Variants in TMEM108 observed in about 807,000 individuals in gnomAD.
The protein encoded by TMEM108 is transmembrane protein 108, also known as cancer/testis antigen 124.
A neutral mutation model predicts 35.1 loss-of-function variants in TMEM108; 12 were observed. The observed-to-expected ratio is 0.34, with a 90% confidence interval of 0.22 to 0.55. The LOEUF (loss-of-function observed/expected upper bound fraction) is 0.55. Among genes scored for constraint, TMEM108 ranks in the 20% least tolerant of loss-of-function variants. The pLI, the probability that TMEM108 is intolerant of heterozygous loss-of-function variation, is 0.89. For missense variants in TMEM108, 680 were observed against 753.3 expected, an observed-to-expected ratio of 0.90 and a Z score of 1.14; for synonymous variants, 287 against 308.6, an observed-to-expected ratio of 0.93 and a Z score of 0.73.
At chr3:133,235,042 C>A (rs1481026507) in intron 3 of TMEM108, among the ~76,000 whole-genome samples, 7 of 151,928 alleles carry the variant, frequency 4.6e-5, no homozygotes, top group Non-Finnish European at 8.8e-5. Context: ...ATCCAACTTA[C>A]AAGGGATGTG....
At chr3:133,264,412 G>C (rs553652729) in intron 3 of TMEM108, among the ~76,000 whole-genome samples, 1 of 152,274 alleles carries the variant, frequency 6.6e-6, no homozygotes, top group South Asian at 2.1e-4. Flanking sequence ...TCATGAGCAG[G>C]AGCCACATTT....
In TMEM108 at chr3:133,162,632, C is replaced by T. The variant is rs192125534; in HGVS notation, c.-46-66634C>T. Among the ~76,000 whole-genome samples, 4 of 152,316 alleles carry T rather than the reference C, an allele frequency of 2.6e-5. No homozygotes were observed. The East Asian group carries it at 7.7e-4, about 29-fold the overall frequency. ...TTTGCAAGACAGATCTTTAAGATTACAGGATGTGGTCTTGGGAAAGCAGGT... is the reference window on the plus strand; with the variant it reads ...TTTGCAAGACAGATCTTTAAGATTATAGGATGTGGTCTTGGGAAAGCAGGT... On this transcript the variant is annotated intron_variant, in intron 2 of 5. Transcript: ENST00000321871.
intron 2 of TMEM108, among the ~76,000 whole-genome samples, chr3:133,150,734 T>C (rs901711457): frequency 6.6e-6 from 1 of 152,150 alleles, no homozygotes; most frequent in Non-Finnish European, 1.5e-5. Flanking sequence ...GTTTCTAAAC[T>C]GAGGTGAGAT....
At chr3:133,254,983 G>A (rs1946525052) in intron 3 of TMEM108, among the ~76,000 whole-genome samples, 1 of 152,192 alleles carries the variant, frequency 6.6e-6, no homozygotes, top group African/African-American at 2.4e-5. Flanking sequence ...ACACCCAAAT[G>A]TGGCCTCTCC....
chr3:133,319,665 C>G (rs368667559), intron 3 of TMEM108, among the ~76,000 whole-genome samples: 3 of 152,316 alleles, frequency 2.0e-5, no homozygotes. Flanking sequence ...GTGCCGGTAT[C>G]CATGTTTGGG....
intron 3 of TMEM108, among the ~76,000 whole-genome samples, chr3:133,288,470 G>T (rs141911499): frequency 1.2e-4 from 18 of 152,252 alleles, no homozygotes; most frequent in African/African-American, 2.9e-4. Flanking sequence ...TTCTCCATGG[G>T]GGGGTGAATA....
intron 3 of TMEM108, among the ~76,000 whole-genome samples, chr3:133,278,648 T>A (rs1576428701): frequency 6.6e-6 from 1 of 152,212 alleles, no homozygotes; most frequent in Admixed American, 6.5e-5. Context: ...TCTAAACATA[T>A]CTAAACATAG....
intron 2 of TMEM108, among the ~76,000 whole-genome samples, chr3:133,163,024 A>G (rs1013182272): frequency 1.4e-4 from 22 of 152,140 alleles, no homozygotes; most frequent in Admixed American, 1.4e-3. Flanking sequence ...CATCTAAGGA[A>G]TTTGAGTTTA....
At chr3:133,150,099 C>G (rs530318981) in intron 2 of TMEM108, among the ~76,000 whole-genome samples, 227 of 152,134 alleles carry the variant, frequency 1.5e-3, no homozygotes, top group African/African-American at 5.2e-3. Flanking sequence ...ATTTACAATC[C>G]CAGCAAGAGT....
At chr3:133,327,008 G>A (rs1311590636) in intron 3 of TMEM108, among the ~76,000 whole-genome samples, 1 of 152,186 alleles carries the variant, frequency 6.6e-6, no homozygotes, top group Non-Finnish European at 1.5e-5. Flanking sequence ...TGCCTCAGAA[G>A]CCTTTCAGGT....
At chr3:133,374,476 C>G (rs1165098897) in intron 3 of TMEM108, among the ~76,000 whole-genome samples, 2 of 149,828 alleles carry the variant, frequency 1.3e-5, no homozygotes, top group South Asian at 2.1e-4. Context: ...AACAAATATG[C>G]CTTGTGTGTA....
intron 2 of TMEM108, among the ~76,000 whole-genome samples, chr3:133,145,955 A>G (rs938530362): frequency 6.6e-6 from 1 of 152,098 alleles, no homozygotes; most frequent in African/African-American, 2.4e-5. Flanking sequence ...AATACGCTTT[A>G]TTTCTTTCTC....
chr3:133,069,536 A>G (rs1943651535), intron 2 of TMEM108, among the ~76,000 whole-genome samples: 1 of 152,152 alleles, frequency 6.6e-6, no homozygotes, highest in Admixed American at 6.6e-5. Flanking sequence ...TCTTACAGGA[A>G]CTTAAGGTCC....
At chr3:133,226,309 A>T (rs1423711163) in intron 2 of TMEM108, among the ~76,000 whole-genome samples, 1 of 152,256 alleles carries the variant, frequency 6.6e-6, no homozygotes, top group Non-Finnish European at 1.5e-5. Flanking sequence ...CCAGGATCAG[A>T]AAAAGACCTG....
At chr3:133,162,515 A>C (rs1385842259) in intron 2 of TMEM108, among the ~76,000 whole-genome samples, 1 of 152,214 alleles carries the variant, frequency 6.6e-6, no homozygotes, top group African/African-American at 2.4e-5. Flanking sequence ...TGTCCTGGTC[A>C]CTTTTTATCT....
chr3:133,181,019 A>AC (rs1945332041), intron 2 of TMEM108, among the ~76,000 whole-genome samples: 17 of 125,960 alleles, frequency 1.3e-4, no homozygotes, highest in African/African-American at 5.0e-4. Context: ...AAAAAAAAAA[A>AC]AAAAAAAAAA....
intron 2 of TMEM108, among the ~76,000 whole-genome samples, chr3:133,098,119 T>C (rs1944039948): frequency 6.6e-6 from 1 of 152,072 alleles, no homozygotes; most frequent in African/African-American, 2.4e-5. Context: ...TACCCAAAAC[T>C]GGGAACAAAA....
chr3:133,117,689 A>T (rs929805391), intron 2 of TMEM108, among the ~76,000 whole-genome samples: 5 of 152,216 alleles, frequency 3.3e-5, no homozygotes, highest in African/African-American at 1.2e-4. Flanking sequence ...TCTAAATACA[A>T]AGTAAGAAGA....
At chr3:133,143,175 A>G (rs1944664453) in intron 2 of TMEM108, among the ~76,000 whole-genome samples, 1 of 152,218 alleles carries the variant, frequency 6.6e-6, no homozygotes, top group African/African-American at 2.4e-5. Context: ...TCCTTGAGGC[A>G]TGGGCTTATC....
Sources: allele counts gnomAD v4.1 joint callset (sites outside exome capture counted in the v4.1 genomes callset), GRCh38; gene constraint gnomAD v4.1.1; transcripts MANE v1.5; gene names NCBI Gene and HGNC (gene_info 2026-07-23, HGNC 2026-07-21).